The following ODAD2 variants were observed in gnomAD, a reference collection of about 807,000 sequenced individuals.
ODAD2 encodes outer dynein arm-docking complex subunit 2.
A neutral mutation model predicts 106.8 loss-of-function variants in ODAD2; 89 were observed. The observed-to-expected ratio is 0.83, with a 90% CI of 0.70 to 0.99. The LOEUF (loss-of-function observed/expected upper bound fraction) is 0.99, where lower values mean the gene tolerates loss of function less well. Among genes scored for constraint, ODAD2 ranks in the 50% least tolerant of loss-of-function variants. The pLI is 0.00. For synonymous variants in ODAD2, 404 were observed against 436.2 expected, an observed-to-expected ratio of 0.93 and a Z score of 0.92; for missense variants, 1,168 against 1,238.5, an observed-to-expected ratio of 0.94 and a Z score of 0.85.
At chr10:27,845,665 T>C (rs554318675) in intron 19 of ODAD2, among the ~76,000 whole-genome samples, 35 of 152,168 alleles carry the variant, frequency 2.3e-4, no homozygotes, top group Non-Finnish European at 4.7e-4. Context: ...GTGTGCTGTA[T>C]TCGGGAGACC....
chr10:27,948,923 G>A (rs1033162716), intron 10 of ODAD2, among the ~76,000 whole-genome samples: 4 of 150,130 alleles, frequency 2.7e-5, no homozygotes, highest in Non-Finnish European at 4.4e-5. Flanking sequence ...AATGAAAGTC[G>A]CTCTCTTTCA....
At chr10:27,820,616 C>T (rs1200076016) in intron 19 of ODAD2, among the ~76,000 whole-genome samples, 1 of 151,966 alleles carries the variant, frequency 6.6e-6, no homozygotes, top group African/African-American at 2.4e-5. Flanking sequence ...TTTTTCTTTA[C>T]CTGAGTAACT....
At chr10:27,833,216 T>A (rs966069253) in intron 19 of ODAD2, among the ~76,000 whole-genome samples, 1 of 152,218 alleles carries the variant, frequency 6.6e-6, no homozygotes, top group Non-Finnish European at 1.5e-5. Flanking sequence ...TACAGTCTGA[T>A]TTATTGCTGC....
intron 17 of ODAD2, among the ~76,000 whole-genome samples, chr10:27,889,630 G>A (rs1842436182): frequency 6.6e-6 from 1 of 152,076 alleles, no homozygotes; most frequent in African/African-American, 2.4e-5. Flanking sequence ...CTGTCCCTCA[G>A]TCCCACTGTC....
chr10:27,812,184 CTT>C lies in ODAD2; in HGVS notation c.*326_*327del, dbSNP rs147333449. 0.73 allele frequency: 204,341 copies of C among 280,656 alleles called. 77,131 individuals are homozygous for C. Among genetic ancestry groups the C allele is most frequent in the Non-Finnish European group, 0.82 (124,810 of 152,100 alleles). The allele number at this position is 280,656 out of a possible 1,614,324, so 17.4% of individuals were successfully genotyped here. A position where few individuals can be genotyped will look rare whatever the true frequency, so the allele number is the denominator to read the frequency against. ...AACTGTGCATTGGGAAGGCCATATC[CTT>C]TTTATTAAAATCGCCACAAATACAA... On this transcript the variant is annotated 3_prime_UTR_variant, in exon 20 of 20. Transcript: ENST00000305242.
At chr10:27,852,610 A>G (rs1463743543) in intron 19 of ODAD2, among the ~76,000 whole-genome samples, 1 of 152,238 alleles carries the variant, frequency 6.6e-6, no homozygotes, top group African/African-American at 2.4e-5. Flanking sequence ...GAAAAAGATG[A>G]GTAAAGAGAA....
intron 10 of ODAD2, among the ~76,000 whole-genome samples, chr10:27,956,225 C>A (rs1002150382): frequency 6.6e-6 from 1 of 152,144 alleles, no homozygotes; most frequent in African/African-American, 2.4e-5. Flanking sequence ...TCATCCCTTC[C>A]TATTAGATTC....
chr10:27,859,397 A>G (rs1839885240), intron 19 of ODAD2, among the ~76,000 whole-genome samples: 1 of 152,338 alleles, frequency 6.6e-6, no homozygotes, highest in South Asian at 2.1e-4. Flanking sequence ...TTAACATCAT[A>G]TTCTTCTACT....
chr10:27,979,008 G>A (rs577581589), intron 7 of ODAD2, among the ~76,000 whole-genome samples: 18 of 151,858 alleles, frequency 1.2e-4, no homozygotes, highest in African/African-American at 1.9e-4. Flanking sequence ...CCAAGAGTTC[G>A]AGACCAGCCT....
At chr10:27,932,891 T>C (rs1010770432) in intron 16 of ODAD2, among the ~76,000 whole-genome samples, 1 of 152,168 alleles carries the variant, frequency 6.6e-6, no homozygotes, top group Non-Finnish European at 1.5e-5. Context: ...AGCAGGAGCT[T>C]TGTTTGGTTA....
chr10:27,959,700 T>C (rs1847991039), intron 10 of ODAD2, among the ~76,000 whole-genome samples: 1 of 152,068 alleles, frequency 6.6e-6, no homozygotes, highest in South Asian at 2.1e-4. Flanking sequence ...TTTTCATGAG[T>C]TCCCAAAATT....
intron 17 of ODAD2, among the ~76,000 whole-genome samples, chr10:27,892,896 C>A (rs369890856): frequency 3.3e-5 from 5 of 152,196 alleles, no homozygotes; most frequent in African/African-American, 1.2e-4. Flanking sequence ...CGCCTGTAAT[C>A]CCAGCACTTT....
chr10:27,913,446 T>G (rs1173468062), intron 16 of ODAD2, among the ~76,000 whole-genome samples: 1 of 152,082 alleles, frequency 6.6e-6, no homozygotes, highest in Non-Finnish European at 1.5e-5. Context: ...TGCATGTTGT[T>G]GCAAAAACAA....
rs1040063749 is a variant in ODAD2 at position 27,885,401 on chromosome 10, G to A, written c.2610+22262C>T. ...GGCATGTGCCTGTAATCCCAGCTAC[G>A]TGGGAGGCTGAGGCAGGAGAACGGC... On this transcript the variant is annotated intron_variant, in intron 17 of 19. Coordinates refer to ENST00000305242, the MANE Select transcript of ODAD2 (RefSeq NM_018076.5). Among the ~76,000 whole-genome samples the A allele has an allele frequency of 2.7e-4, 39 of 143,100 alleles. 1 individual carries two copies. Among genetic ancestry groups the A allele is most frequent in the Admixed American group, 8.9e-4 (12 of 13,482 alleles). The allele number at this position is 143,100 out of a possible 152,430, so 93.9% of individuals were successfully genotyped here. A position where few individuals can be genotyped will look rare whatever the true frequency, so the allele number is the denominator to read the frequency against.
chr10:27,875,420 G>A (rs1364650787), intron 17 of ODAD2, among the ~76,000 whole-genome samples: 2 of 152,150 alleles, frequency 1.3e-5, no homozygotes, highest in Non-Finnish European at 2.9e-5. Flanking sequence ...CTTTGGAGGG[G>A]GAGAGGCACT....
intron 19 of ODAD2, among the ~76,000 whole-genome samples, chr10:27,856,170 T>C (rs1839638878): frequency 6.6e-6 from 1 of 152,212 alleles, no homozygotes; most frequent in Non-Finnish European, 1.5e-5. Flanking sequence ...CACAAATTTG[T>C]AATGATACAA....
At position 27,944,292 on chromosome 10, in the gene ODAD2, G is replaced by C; in HGVS notation, c.1673C>G (p.Thr558Ser). 6.2e-7 allele frequency: 1 copy of C among 1,614,010 alleles called. No homozygotes were observed. Among genetic ancestry groups the C allele is most frequent in the Non-Finnish European group, 8.5e-7 (1 of 1,180,010 alleles). Reference sequence around the variant, plus strand: ...TTTAAACTTGGCAACATTCGCGATAGTCTCGGCTGCCAAACATTTTAGACT... The same window carrying C: ...TTTAAACTTGGCAACATTCGCGATACTCTCGGCTGCCAAACATTTTAGACT... ...HKSLKCLAAETIANVAKFKRA... is the reference protein window; with the variant it reads ...HKSLKCLAAESIANVAKFKRA... The change falls in exon 12 of 20, where the codon ACT (threonine) becomes AGT (serine). Residue 558 changes from threonine (T) to serine (S), a missense_variant. Coordinates refer to ENST00000305242, the MANE Select transcript of ODAD2 (RefSeq NM_018076.5).
intron 19 of ODAD2, among the ~76,000 whole-genome samples, chr10:27,835,759 T>C (rs1837824926): frequency 6.6e-6 from 1 of 151,962 alleles, no homozygotes; most frequent in Non-Finnish European, 1.5e-5. Flanking sequence ...ACACTGTCTG[T>C]ACTAAAAATA....
At chr10:27,979,005 T>A (rs1173564829) in intron 7 of ODAD2, among the ~76,000 whole-genome samples, 2 of 151,674 alleles carry the variant, frequency 1.3e-5, no homozygotes, top group South Asian at 2.1e-4. Context: ...AGGCCAAGAG[T>A]TCGAGACCAG....
Sources: gnomAD v4.1 joint callset for allele counts (sites outside exome capture counted in the v4.1 genomes callset) on GRCh38, gnomAD v4.1.1 for gene constraint, MANE v1.5 for transcripts, NCBI Gene and HGNC (gene_info 2026-07-23, HGNC 2026-07-21) for gene names.